Variants in JARID2 observed in about 807,000 individuals in gnomAD.
JARID2 encodes protein Jumonji.
Under a neutral mutation model 125.6 loss-of-function variants are expected in JARID2, and 21 were observed. The ratio of observed to expected loss-of-function variants is 0.17; its 90% CI spans 0.12 to 0.24. The LOEUF (loss-of-function observed/expected upper bound fraction) is 0.24, where lower values mean the gene tolerates loss of function less well. Ranked by LOEUF, JARID2 falls within the 10% of genes least tolerant of loss-of-function variation. The pLI is 1.00. For missense variants in JARID2, 1,303 were observed against 1,639.6 expected, an observed-to-expected ratio of 0.79 and a Z score of 3.55; for synonymous variants, 736 against 661.6, an observed-to-expected ratio of 1.11 and a Z score of -1.73.
At chr6:15,407,345 A>C (rs931039043) in intron 2 of JARID2, among the ~76,000 whole-genome samples, 2 of 152,110 alleles carry the variant, frequency 1.3e-5, no homozygotes, top group Admixed American at 6.5e-5. Flanking sequence ...AGAACGGGGG[A>C]CACTTGGGGG....
rs1311463959 is a variant in JARID2, at chr6:15,496,553, G to A, written c.1328G>A (p.Arg443Lys). The change falls in exon 7 of 18, where the codon AGA (arginine) becomes AAA (lysine). Residue 443 changes from arginine to lysine, a missense_variant. Physicochemically the swap from Arg to Lys is conservative, Grantham distance 26. Around this residue, in one of 11 missense-constraint regions of JARID2, gnomAD observed 651 missense variants for 581.6 expected, o/e 1.12. Transcript: ENST00000341776. ...GAGGGGCTGCGGAACTCCAAGAGGA[G>A]ACTGGAAGAGGCACACCAGGCGGAG... is the stretch of plus-strand genomic sequence containing the variant. ...LREGLRNSKR[R>K]LEEAHQAEKP... is the part of the protein sequence containing the mutation. 3 of 1,607,544 alleles carry A rather than the reference G, an allele frequency of 1.9e-6. No homozygotes were observed. The highest frequency in any genetic ancestry group is 3.4e-5 in the Admixed American group (2 of 58,916).
At position 15,399,471 on chromosome 6, in the gene JARID2, A is replaced by G. The variant is rs529307491; in HGVS notation, c.182-10753A>G. ...TATCAACTAGACACTAAGGAGGACCATCATCTACCTTCGTGATGTCTGTGT... is the reference window on the plus strand; with the variant it reads ...TATCAACTAGACACTAAGGAGGACCGTCATCTACCTTCGTGATGTCTGTGT... On this transcript the variant is annotated intron_variant, in intron 2 of 17. Transcript: ENST00000341776. Among the ~76,000 whole-genome samples, 140 of 152,204 alleles carry G rather than the reference A, an allele frequency of 9.2e-4. 1 individual carries two copies. The highest frequency in any genetic ancestry group is 1.4e-3 in the Non-Finnish European group (98 of 68,000).
chr6:15,265,668 G>T (rs75049360), intron 1 of JARID2, among the ~76,000 whole-genome samples: 4,413 of 152,260 alleles, frequency 0.029, 120 homozygotes, highest in Admixed American at 0.087. Flanking sequence ...CAATTAAGGA[G>T]TATTCTGCAG....
At chr6:15,471,285 T>C (rs930773338) in intron 5 of JARID2, among the ~76,000 whole-genome samples, 1 of 152,250 alleles carries the variant, frequency 6.6e-6, no homozygotes, top group African/African-American at 2.4e-5. Flanking sequence ...GCTTGAAGCC[T>C]CCTGAATAAG....
intron 2 of JARID2, among the ~76,000 whole-genome samples, chr6:15,387,351 G>C (rs899429432): frequency 1.3e-5 from 2 of 152,178 alleles, no homozygotes; most frequent in African/African-American, 4.8e-5. Context: ...CTGGGCTGCT[G>C]ATATAATAGA....
At chr6:15,343,718 G>T (rs375439832) in intron 1 of JARID2, among the ~76,000 whole-genome samples, 3 of 152,136 alleles carry the variant, frequency 2.0e-5, no homozygotes, top group East Asian at 1.9e-4. Context: ...AGCAGGGTCT[G>T]GTTAAGATCA....
chr6:15,263,496 T>C (rs1759965760), intron 1 of JARID2, among the ~76,000 whole-genome samples: 1 of 152,164 alleles, frequency 6.6e-6, no homozygotes, highest in African/African-American at 2.4e-5. Context: ...AGGAGGGATG[T>C]TACTGTATTC....
chr6:15,466,769 A>G (rs1400166180), intron 4 of JARID2, among the ~76,000 whole-genome samples: 1 of 152,190 alleles, frequency 6.6e-6, no homozygotes, highest in Non-Finnish European at 1.5e-5. Flanking sequence ...GATTGAGTAT[A>G]TATTTTGGTC....
chr6:15,345,837 G>C (rs1310860020), intron 1 of JARID2, among the ~76,000 whole-genome samples: 3 of 152,232 alleles, frequency 2.0e-5, no homozygotes, highest in Admixed American at 2.0e-4. Flanking sequence ...ATTGAGCCTT[G>C]GGTGGACCAG....
At chr6:15,362,860 T>C (rs987960652) in intron 1 of JARID2, among the ~76,000 whole-genome samples, 15 of 152,110 alleles carry the variant, frequency 9.9e-5, no homozygotes, top group Non-Finnish European at 1.6e-4. Flanking sequence ...ATCCAAGGAA[T>C]TGAGAGACAG....
chr6:15,280,921 G>A (rs1760725292), intron 1 of JARID2, among the ~76,000 whole-genome samples: 1 of 152,146 alleles, frequency 6.6e-6, no homozygotes. Flanking sequence ...GAGCCACCGT[G>A]CCTGGCCAGC....
intron 3 of JARID2, among the ~76,000 whole-genome samples, chr6:15,437,802 C>CA (rs397961920): frequency 0.046 from 6,400 of 138,628 alleles, 309 homozygotes; most frequent in African/African-American, 0.13. Context: ...GACTCTGTCT[C>CA]AAAAAAAAAA....
Position 15,496,692 on chromosome 6 carries a change from G to T in JARID2, c.1467G>T (p.Val489=), listed in dbSNP as rs776270516. The change falls in exon 7 of 18, where the codon GTG becomes GTT. Residue 489 remains valine (V), a synonymous_variant. Coordinates refer to ENST00000341776, the MANE Select transcript of JARID2 (RefSeq NM_004973.4). ...GLLNGHVKKE[V]PERSLERNRP... ...TGAACGGACACGTGAAGAAGGAAGT[G>T]CCGGAGCGCAGTCTGGAGAGGAATC... The T allele has an allele frequency of 1.2e-6, 2 of 1,613,302 alleles. No homozygotes were observed. Among genetic ancestry groups the T allele is most frequent in the Non-Finnish European group, 1.7e-6 (2 of 1,179,918 alleles).
chr6:15,416,127 G>T (rs1766191251), intron 3 of JARID2, among the ~76,000 whole-genome samples: 1 of 151,684 alleles, frequency 6.6e-6, no homozygotes, highest in Non-Finnish European at 1.5e-5. Flanking sequence ...TCCTAGATGG[G>T]ATGGCGGCCG....
intron 3 of JARID2, among the ~76,000 whole-genome samples, chr6:15,423,136 C>CTA (rs1766576352): frequency 6.6e-6 from 1 of 152,008 alleles, no homozygotes. Flanking sequence ...GTAGGTGGGA[C>CTA]TACAGGTATG....
Position 15,401,154 on chromosome 6 carries a change from CTATATATA to C in JARID2, c.182-9058_182-9051del, listed in dbSNP as rs140011539. 7 of 808,778 alleles carry C rather than the reference CTATATATA, an allele frequency of 8.7e-6. No homozygotes were observed. In the Admixed American group the frequency reaches 1.1e-4, roughly 12 times the overall value. 50.1% of individuals were successfully genotyped at this position (808,778 alleles called of 1,614,324 possible). ...TAAATCCATTGTGGATGGCAAGGTG[CTATATATA>C]TATATATATATGAGAGACTATGTAA... On this transcript the variant is annotated intron_variant, in intron 2 of 17. Coordinates refer to ENST00000341776, the MANE Select transcript of JARID2 (RefSeq NM_004973.4).
chr6:15,502,821 T>G (rs1770807354), intron 8 of JARID2, among the ~76,000 whole-genome samples: 1 of 152,122 alleles, frequency 6.6e-6, no homozygotes. Context: ...GGGGATGCGG[T>G]GTGGGGGTTG....
chr6:15,494,873 C>A (rs544541891), intron 6 of JARID2, among the ~76,000 whole-genome samples: 1 of 152,216 alleles, frequency 6.6e-6, no homozygotes, highest in Non-Finnish European at 1.5e-5. Flanking sequence ...GCCATCACTG[C>A]ATGTGGCCAG....
chr6:15,270,716 G>A (rs1760262383), intron 1 of JARID2, among the ~76,000 whole-genome samples: 1 of 152,184 alleles, frequency 6.6e-6, no homozygotes, highest in African/African-American at 2.4e-5. Flanking sequence ...GGGAGGTCAA[G>A]GTGGGGAGAT....
Sources: gnomAD v4.1 joint callset for allele counts (sites outside exome capture counted in the v4.1 genomes callset) on GRCh38, gnomAD v4.1.1 for gene constraint, gnomAD v4.1.1 regional missense constraint, MANE v1.5 for transcripts, NCBI Gene and HGNC (gene_info 2026-07-23, HGNC 2026-07-21) for gene names.